THSD4: variants seen among roughly 807,000 people sequenced by gnomAD.
The protein encoded by THSD4 is thrombospondin type 1 domain containing 4.
Under a neutral mutation model 119.0 loss-of-function variants are expected in THSD4, and 69 were observed. The ratio of observed to expected loss-of-function variants is 0.58; its 90% CI spans 0.48 to 0.71. THSD4 has a LOEUF of 0.71. THSD4 is among the 30% of genes least tolerant of loss of function. THSD4 has a pLI of 0.00. For missense variants in THSD4, 1,393 were observed against 1,391.1 expected (o/e 1.00, Z -0.02); for synonymous variants, 524 against 540.4 (o/e 0.97, Z 0.42).
In THSD4 at chr15:71,225,549, T is replaced by C. The variant is rs1417992205; in HGVS notation, c.464+10150T>C. ...ACACATTTTCTTTTTCTTTTTTTTT[T>C]TCTTTTTTTTTTTTTTGAGACGGAG... is the stretch of plus-strand genomic sequence containing the variant. On this transcript the variant is annotated intron_variant, in intron 4 of 17. Coordinates refer to ENST00000261862, the MANE Select transcript of THSD4 (RefSeq NM_024817.3). 1.2e-4 allele frequency among the ~76,000 whole-genome samples: 10 copies of C among 81,390 alleles called. 1 individual carries two copies. The South Asian group carries it at 3.4e-3, about 28-fold the overall frequency. 53.4% of individuals were successfully genotyped at this position (81,390 alleles called of 152,430 possible). A position where few individuals can be genotyped will look rare whatever the true frequency, so the allele number is the denominator to read the frequency against.
intron 12 of THSD4, 71 bp from the exon 13 acceptor site, chr15:71,746,767 C>T: frequency 1.3e-6 from 2 of 1,487,928 alleles, no homozygotes; most frequent in Non-Finnish European, 1.9e-6. Context: ...GTGTACGCTG[C>T]TGCGGGCTCA....
chr15:71,246,633 T>A (rs912975702), intron 5 of THSD4, among the ~76,000 whole-genome samples: 2 of 152,194 alleles, frequency 1.3e-5, no homozygotes, highest in African/African-American at 4.8e-5. Context: ...TATGGTGTGA[T>A]CTAGGAATTT....
chr15:71,495,632 T>C (rs1419148265), intron 7 of THSD4, among the ~76,000 whole-genome samples: 2 of 152,306 alleles, frequency 1.3e-5, no homozygotes, highest in East Asian at 1.9e-4. Context: ...CTGTAGACTG[T>C]AGACACTGTA....
chr15:71,546,318 C>A (rs1185019991), intron 7 of THSD4, among the ~76,000 whole-genome samples: 1 of 152,112 alleles, frequency 6.6e-6, no homozygotes, highest in African/African-American at 2.4e-5. Flanking sequence ...CTTGAGCCCA[C>A]TCTAGGCAGA....
At chr15:71,429,599 A>G (rs920551) in intron 7 of THSD4, among the ~76,000 whole-genome samples, 94,957 of 152,028 alleles carry the variant, frequency 0.62, 29,987 homozygotes, top group Middle Eastern at 0.74. Context: ...TTTGGGAGAG[A>G]TGGAGGGTTG....
chr15:71,214,264 C>G (rs1339621635), intron 3 of THSD4, among the ~76,000 whole-genome samples: 1 of 151,450 alleles, frequency 6.6e-6, no homozygotes, highest in Non-Finnish European at 1.5e-5. Flanking sequence ...CCTCCAGTCC[C>G]TCCAGTCCCT....
chr15:71,574,300 C>A (rs998856086), intron 7 of THSD4, among the ~76,000 whole-genome samples: 3 of 152,128 alleles, frequency 2.0e-5, no homozygotes, highest in South Asian at 4.1e-4. Flanking sequence ...AACCTTGCAA[C>A]AACCCTGGTA....
At chr15:71,193,821 C>T (rs1368177104) in intron 3 of THSD4, among the ~76,000 whole-genome samples, 1 of 152,192 alleles carries the variant, frequency 6.6e-6, no homozygotes, top group Non-Finnish European at 1.5e-5. Context: ...CATTCTCCTG[C>T]CTCAGCCTCC....
intron 7 of THSD4, among the ~76,000 whole-genome samples, chr15:71,502,867 A>T (rs1300593300): frequency 6.6e-6 from 1 of 152,206 alleles, no homozygotes; most frequent in African/African-American, 2.4e-5. Flanking sequence ...GAACTATAAT[A>T]CTAAATATGC....
At chr15:71,332,892 A>ATTTTTTTTTTTTCTTTTTTTTTTTTTTTT (rs2045442433) in intron 6 of THSD4, among the ~76,000 whole-genome samples, 1 of 76,940 alleles carries the variant, frequency 1.3e-5, no homozygotes, top group Non-Finnish European at 2.6e-5. Flanking sequence ...ATTTTTTTAC[A>ATTTTTTTTTTTTCTTTTTTTTTTTTTTTT]TTTTTTTTTT....
chr15:71,386,186 C>T (rs534555605), intron 6 of THSD4, among the ~76,000 whole-genome samples: 2 of 152,088 alleles, frequency 1.3e-5, no homozygotes, highest in African/African-American at 2.4e-5. Flanking sequence ...TTTCTGCTGC[C>T]CAAATGTTAA....
In THSD4 at chr15:71,495,665, A is replaced by T. The variant is rs1428935569; in HGVS notation, c.1152+83842A>T. Among the ~76,000 whole-genome samples the T allele has an allele frequency of 3.9e-5, 6 of 152,298 alleles. No individual in the cohort carries two copies. In the South Asian group the frequency reaches 6.2e-4, roughly 16 times the overall value. On this transcript the variant is annotated intron_variant, in intron 7 of 17. Coordinates refer to ENST00000261862, the MANE Select transcript of THSD4 (RefSeq NM_024817.3). The stretch of plus-strand genomic sequence containing the variant: ...GTAAAGGATTAAAATGAGTGTCAAT[A>T]TTATTATCTTTGTAACATAGAAGAA...
At chr15:71,281,335 A>G (rs1214658608) in intron 6 of THSD4, among the ~76,000 whole-genome samples, 1 of 152,260 alleles carries the variant, frequency 6.6e-6, no homozygotes, top group African/African-American at 2.4e-5. Flanking sequence ...ACATTTAGTG[A>G]AATCTGAAAG....
At chr15:71,660,269 T>C (rs1277472087) in intron 7 of THSD4, among the ~76,000 whole-genome samples, 2 of 152,162 alleles carry the variant, frequency 1.3e-5, no homozygotes, top group Admixed American at 1.3e-4. Flanking sequence ...CTGTACAACC[T>C]GTTTAAGTAA....
chr15:71,143,270 CT>C (rs1234883274), intron 2 of THSD4, among the ~76,000 whole-genome samples: 1 of 151,934 alleles, frequency 6.6e-6, no homozygotes, highest in Non-Finnish European at 1.5e-5. Flanking sequence ...AGCATGTGTG[CT>C]TTTTTAAAAC....
intron 14 of THSD4, among the ~76,000 whole-genome samples, chr15:71,751,151 A>C (rs560533350): frequency 7.9e-5 from 12 of 152,356 alleles, no homozygotes; most frequent in Admixed American, 3.9e-4. Context: ...CTCCAGGCTA[A>C]AAATATCTAG....
chr15:71,703,875 A>G (rs2052341750), intron 8 of THSD4, among the ~76,000 whole-genome samples: 1 of 152,142 alleles, frequency 6.6e-6, no homozygotes, highest in South Asian at 2.1e-4. Flanking sequence ...TTTGAGACAG[A>G]GTCTTGCTCT....
intron 7 of THSD4, among the ~76,000 whole-genome samples, chr15:71,614,433 A>G (rs1036789008): frequency 2.0e-5 from 3 of 152,080 alleles, no homozygotes; most frequent in Non-Finnish European, 2.9e-5. Flanking sequence ...ACCTACTCCT[A>G]AAGTCCTCCC....
At chr15:71,329,768 A>G (rs1435599574) in intron 6 of THSD4, among the ~76,000 whole-genome samples, 1 of 152,226 alleles carries the variant, frequency 6.6e-6, no homozygotes, top group Non-Finnish European at 1.5e-5. Flanking sequence ...CACATTGAAA[A>G]TAACTCAGGC....
Sources: gnomAD v4.1 joint callset for allele counts (sites outside exome capture counted in the v4.1 genomes callset) on GRCh38, gnomAD v4.1.1 for gene constraint, MANE v1.5 for transcripts, NCBI Gene and HGNC (gene_info 2026-07-23, HGNC 2026-07-21) for gene names.